LIMCH1: variants seen among roughly 807,000 people sequenced by gnomAD.
LIMCH1 encodes the protein LIM and calponin homology domains-containing protein 1.
Under a neutral mutation model 176.5 loss-of-function variants are expected in LIMCH1, and 113 were observed. The ratio of observed to expected loss-of-function variants is 0.64; its 90% CI spans 0.55 to 0.75. LIMCH1 has a LOEUF of 0.75. Ranked by LOEUF, LIMCH1 falls within the 30% of genes least tolerant of loss-of-function variation. The pLI, the probability that LIMCH1 is intolerant of heterozygous loss-of-function variation, is 0.00. For synonymous variants in LIMCH1, 619 were observed against 645.9 expected, an observed-to-expected ratio of 0.96 and a Z score of 0.63; for missense variants, 1,674 against 1,814.9, an observed-to-expected ratio of 0.92 and a Z score of 1.41.
chr4:41,446,701 T>C (rs930919864), intron 1 of LIMCH1, among the ~76,000 whole-genome samples: 2 of 152,242 alleles, frequency 1.3e-5, no homozygotes, highest in Non-Finnish European at 2.9e-5. Flanking sequence ...GAAAAGCCTG[T>C]ATATAAATCC....
chr4:41,611,816 C>A (rs1472449020), intron 4 of LIMCH1, among the ~76,000 whole-genome samples: 1 of 152,148 alleles, frequency 6.6e-6, no homozygotes, highest in Non-Finnish European at 1.5e-5. Context: ...GGTAAATAAT[C>A]CAAGATAATT....
rs2073017664 is a variant in LIMCH1, at chr4:41,500,216, AT to A, written c.167+5611del. Among the ~76,000 whole-genome samples the A allele has an allele frequency of 5.9e-5, 9 of 152,356 alleles. No homozygotes were observed. The South Asian group carries it at 1.9e-3, about 32-fold the overall frequency. ...ACTCAAGTTGTGGAAATAACTTGAT[AT>A]CCCCAGATCTTTCATCCAATGGCTT... is the stretch of plus-strand genomic sequence containing the variant. On this transcript the variant is annotated intron_variant, in intron 2 of 26. Coordinates refer to the LIMCH1 transcript ENST00000313860.
chr4:41,611,845 A>G (rs1452252841), intron 4 of LIMCH1, among the ~76,000 whole-genome samples: 1 of 152,230 alleles, frequency 6.6e-6, no homozygotes, highest in African/African-American at 2.4e-5. Context: ...TTCCAAAGAA[A>G]TTAAATATGA....
intron 9 of LIMCH1, among the ~76,000 whole-genome samples, chr4:41,630,476 A>T (rs2093258376): frequency 6.6e-6 from 1 of 152,208 alleles, no homozygotes; most frequent in South Asian, 2.1e-4. Context: ...TTTAAACTTG[A>T]CTTTCAAATA....
rs1488388178 is a variant in LIMCH1, at chr4:41,676,506, C to G, written c.3519+44C>G. 5 of 1,400,702 alleles carry G rather than the reference C, an allele frequency of 3.6e-6. No individual in the cohort carries two copies. The African/African-American group carries it at 7.1e-5, about 20-fold the overall frequency. The allele number at this position is 1,400,702 out of a possible 1,614,324, so 86.8% of individuals were successfully genotyped here. ...CTTTTTTTGTTTTTCCTTTTTTGTC[C>G]TCTTGCTTTCCATTGCATTAAATAG... On this transcript the variant is annotated intron_variant, in intron 23 of 31. Coordinates refer to ENST00000503057, the MANE Select transcript of LIMCH1 (RefSeq NM_001330672.2).
At position 41,632,978 on chromosome 4, in the gene LIMCH1, T is replaced by TA; in HGVS notation, c.1723dup (p.Thr575AsnfsTer21). ...TGAAACTGTCCTCTCTGGCTTTAGT[T>TA]ACATCCAAACAGCTGCCACAGGATG... On this transcript the variant is annotated frameshift_variant and splice_region_variant, in exon 12 of 32. Coordinates refer to ENST00000503057, the MANE Select transcript of LIMCH1 (RefSeq NM_001330672.2). LOFTEE classifies it high-confidence loss of function. The TA allele has an allele frequency of 6.5e-7, 1 of 1,535,860 alleles. No homozygotes were observed. Among genetic ancestry groups the TA allele is most frequent in the Non-Finnish European group, 8.7e-7 (1 of 1,146,734 alleles).
intron 1 of LIMCH1, among the ~76,000 whole-genome samples, chr4:41,390,045 A>ATT (rs908652975): frequency 6.7e-6 from 1 of 148,834 alleles, no homozygotes; most frequent in Non-Finnish European, 1.5e-5. Flanking sequence ...CAGCAGCACC[A>ATT]TTTTTTTTTT....
In LIMCH1 at chr4:41,626,920, GC is replaced by G; in HGVS notation, c.941del (p.Pro314LeufsTer26). On this transcript the variant is annotated frameshift_variant, in exon 8 of 32. Coordinates refer to ENST00000503057, the MANE Select transcript of LIMCH1 (RefSeq NM_001330672.2). LOFTEE classifies it high-confidence loss of function. The part of the protein sequence containing the change: ...PMVPLNQLLY[G>X]PYPKKGAEKS... Reference sequence around the variant, plus strand: ...GTGCCATTAAATCAACTCCTCTATGGCCCTTATCCAAAGAAAGGGGCAGAGA... The same window carrying G: ...GTGCCATTAAATCAACTCCTCTATGGCCTTATCCAAAGAAAGGGGCAGAGA... 3 of 1,535,998 alleles carry G rather than the reference GC, an allele frequency of 2.0e-6. No individual in the cohort carries two copies. Among genetic ancestry groups the G allele is most frequent in the Non-Finnish European group, 2.6e-6 (3 of 1,146,910 alleles).
intron 1 of LIMCH1, among the ~76,000 whole-genome samples, chr4:41,572,880 G>A (rs1188996591): frequency 3.9e-5 from 6 of 152,152 alleles, no homozygotes; most frequent in Non-Finnish European, 8.8e-5. Context: ...ACTTCCCAAA[G>A]GCTACTGCTA....
chr4:41,633,321 A>G, intron 12 of LIMCH1, among the ~76,000 whole-genome samples: 1 of 152,150 alleles, frequency 6.6e-6, no homozygotes, highest in South Asian at 2.1e-4. Context: ...TTTCATTCTC[A>G]GGACTCATGA....
At chr4:41,557,684 G>A (rs1376855232) in intron 1 of LIMCH1, among the ~76,000 whole-genome samples, 1 of 151,920 alleles carries the variant, frequency 6.6e-6, no homozygotes, top group East Asian at 1.9e-4. Flanking sequence ...AGGTGATGAG[G>A]GAAACTTGAT....
intron 1 of LIMCH1, among the ~76,000 whole-genome samples, chr4:41,430,779 G>A (rs909788433): frequency 2.6e-5 from 4 of 152,164 alleles, no homozygotes; most frequent in Non-Finnish European, 5.9e-5. Context: ...GTTTTGCCAT[G>A]CTTTAGCAGT....
Position 41,613,636 on chromosome 4 carries a change from T to A in LIMCH1, c.180T>A (p.Asp60Glu). 6.2e-7 allele frequency: 1 copy of A among 1,614,158 alleles called. No individual in the cohort carries two copies. Among genetic ancestry groups the A allele is most frequent in the Non-Finnish European group, 8.5e-7 (1 of 1,180,000 alleles). ...GSRSRQTPSPDVVLRGSSDGR... is the reference protein window; with the variant it reads ...GSRSRQTPSPEVVLRGSSDGR... ...GCTCTCGGCAGACGCCTTCACCAGA[T>A]GTAGTCCTCAGGGGAAGCAGCGATG... Residue 60 changes from aspartate to glutamate, a missense_variant, in exon 5 of 32, where the codon GAT (aspartate) becomes GAA (glutamate). This residue lies in a region of LIMCH1 where 655 missense variants were observed against 692.2 expected (regional missense o/e 0.95). Coordinates refer to ENST00000503057, the MANE Select transcript of LIMCH1 (RefSeq NM_001330672.2).
chr4:41,490,164 A>G (rs1446867923), intron 1 of LIMCH1, among the ~76,000 whole-genome samples: 2 of 151,980 alleles, frequency 1.3e-5, no homozygotes, highest in African/African-American at 4.8e-5. Context: ...AGGCAAGCAC[A>G]CTCAGTGTCA....
intron 1 of LIMCH1, among the ~76,000 whole-genome samples, chr4:41,491,636 C>T (rs1039373042): frequency 2.0e-5 from 3 of 148,552 alleles, no homozygotes; most frequent in African/African-American, 7.5e-5. Context: ...CAGAGGTGCT[C>T]CTCACTTCCC....
chr4:41,436,643 T>C (rs928387245), intron 1 of LIMCH1, among the ~76,000 whole-genome samples: 1 of 152,230 alleles, frequency 6.6e-6, no homozygotes, highest in African/African-American at 2.4e-5. Flanking sequence ...TGACAGATGC[T>C]GTCAGGACTG....
rs893213375 is a variant in LIMCH1 at position 41,647,610 on chromosome 4, T to A, written c.2820+717T>A. On this transcript the variant is annotated intron_variant, in intron 17 of 31. Transcript: ENST00000503057. ...TCCTTTGTCTTAAGTTCTTTTGACT[T>A]GTAAAGAAAAATCAGTTCCCCTTGT... Among the ~76,000 whole-genome samples the A allele has an allele frequency of 4.6e-5, 7 of 152,218 alleles. No individual in the cohort carries two copies. The East Asian group carries it at 1.2e-3, about 25-fold the overall frequency.
At chr4:41,566,908 A>G (rs998842699) in intron 1 of LIMCH1, among the ~76,000 whole-genome samples, 6 of 152,216 alleles carry the variant, frequency 3.9e-5, no homozygotes, top group African/African-American at 1.4e-4. Context: ...TCAAGCCTAG[A>G]CTGGGCAGCT....
At position 41,698,814 on chromosome 4, in the gene LIMCH1, T is replaced by C. The variant is rs1015459568; in HGVS notation, c.*1629T>C. 2.0e-5 allele frequency: 3 copies of C among 151,858 alleles called. No homozygotes were observed. Among genetic ancestry groups the C allele is most frequent in the African/African-American group, 7.3e-5 (3 of 41,124 alleles). The allele number at this position is 151,858 out of a possible 1,614,324, so 9.4% of individuals were successfully genotyped here. ...TATTTGTCATTTGGATGAGCTGTTA[T>C]TAGATTGAAATCTACACATCATTTC... On this transcript the variant is annotated 3_prime_UTR_variant, in exon 32 of 32. Transcript: ENST00000503057.
Sources: gnomAD v4.1 joint callset for allele counts (sites outside exome capture counted in the v4.1 genomes callset) on GRCh38, gnomAD v4.1.1 for gene constraint, gnomAD v4.1.1 regional missense constraint, MANE v1.5 for transcripts, NCBI Gene and HGNC (gene_info 2026-07-23, HGNC 2026-07-21) for gene names.